The following CEP250 variants were observed in gnomAD, a reference collection of about 807,000 sequenced individuals.
The protein encoded by CEP250 is centrosomal protein 250.
A neutral mutation model predicts 315.7 loss-of-function variants in CEP250; 242 were observed. That is an observed-to-expected ratio of 0.77 (90% confidence interval 0.69 to 0.85). The LOEUF (loss-of-function observed/expected upper bound fraction) is 0.85, where lower values mean the gene tolerates loss of function less well. Among genes scored for constraint, CEP250 ranks in the 40% least tolerant of loss-of-function variants. The pLI, the probability that CEP250 is intolerant of heterozygous loss-of-function variation, is 0.00. For synonymous variants in CEP250, 1,088 were observed against 1,175.0 expected, an observed-to-expected ratio of 0.93 and a Z score of 1.51; for missense variants, 2,515 against 2,886.4, an observed-to-expected ratio of 0.87 and a Z score of 2.95.
chr20:35,498,614 C>T lies in CEP250; in HGVS notation c.3675C>T (p.Ser1225=), dbSNP rs371562704. 1.4e-5 allele frequency: 22 copies of T among 1,603,342 alleles called. No individual in the cohort carries two copies. In the South Asian group the frequency reaches 2.0e-4, roughly 15 times the overall value. ...GLEPDQNGAR[S]LFKRGPLLTA... ...TTTCAGACCAGAATGGAGCTAGGAG[C>T]CTCTTTAAGAGAGGGCCCCTGCTGA... Residue 1225 remains serine, a synonymous_variant, in exon 27 of 35, where the codon AGC becomes AGT. Coordinates refer to ENST00000397527, the MANE Select transcript of CEP250 (RefSeq NM_007186.6).
At chr20:35,501,779 T>G in intron 28 of CEP250, 66 bp from the exon 29 acceptor site, 1 of 1,506,868 alleles carries the variant, frequency 6.6e-7, no homozygotes, top group Non-Finnish European at 8.9e-7. Context: ...TGCCTCTATA[T>G]CCCTCTATAT....
intron 2 of CEP250, 68 bp downstream of exon 2, chr20:35,458,442 T>A (rs1444366125): frequency 6.6e-6 from 1 of 152,230 alleles, no homozygotes; most frequent in Non-Finnish European, 1.5e-5. Flanking sequence ...CATGAGTGTT[T>A]ATGGGATAAA....
At chr20:35,484,546 C>A (rs999871961) in intron 20 of CEP250, among the ~76,000 whole-genome samples, 22 of 151,952 alleles carry the variant, frequency 1.4e-4, no homozygotes, top group Non-Finnish European at 2.8e-4. Flanking sequence ...TTCTCCCTTC[C>A]TCCCCATGTC....
chr20:35,504,579 A>G lies in CEP250; in HGVS notation c.6210A>G (p.Gln2070=), dbSNP rs761295402. ...LLEKSLAQRV[Q]ENMIQEKQNL... is the part of the protein sequence containing the mutation. ...AGAAGTCTCTGGCCCAGAGGGTCCA[A>G]GAGAATATGATCCAAGAGAAGCAGA... is the stretch of plus-strand genomic sequence containing the variant. The change falls in exon 30 of 35, where the codon CAA becomes CAG. Residue 2070 remains glutamine, a synonymous_variant. Coordinates refer to ENST00000397527, the MANE Select transcript of CEP250 (RefSeq NM_007186.6). 7 of 1,614,210 alleles carry G rather than the reference A, an allele frequency of 4.3e-6. No individual in the cohort carries two copies. In the South Asian group the frequency reaches 4.4e-5, roughly 10 times the overall value.
rs375142433 is a variant in CEP250 at position 35,475,480 on chromosome 20, A to C, written c.1572-22A>C. On this transcript the variant is annotated intron_variant, in intron 14 of 34. Transcript: ENST00000397527. ...GGCCCATCCCTAAGAGTTCCTCTAG[A>C]CCCCTCTCTTTCCCATCTTAGTCAG... The C allele has an allele frequency of 3.7e-6, 6 of 1,613,026 alleles. No homozygotes were observed. The African/African-American group carries it at 6.7e-5, about 18-fold the overall frequency.
intron 20 of CEP250, among the ~76,000 whole-genome samples, chr20:35,488,277 A>G (rs2063576225): frequency 6.6e-6 from 1 of 152,094 alleles, no homozygotes; most frequent in South Asian, 2.1e-4. Context: ...TCATATTTTT[A>G]CAGTTGGCTT....
chr20:35,475,600 A>C lies in CEP250; in HGVS notation c.1670A>C (p.Glu557Ala), dbSNP rs1446547850. 1 of 1,614,034 alleles carries C rather than the reference A, an allele frequency of 6.2e-7. No individual in the cohort carries two copies. Among genetic ancestry groups the C allele is most frequent in the Admixed American group, 1.7e-5 (1 of 60,020 alleles). ...CTGGAGTCAAGTCACCTGGAAGGGG[A>C]GTTACTGAGGCAAGAGCAAACGGAA... ...EALESSHLEG[E>A]LLRQEQTEVT... Residue 557 changes from glutamate to alanine, a missense_variant, in exon 15 of 35, where the codon GAG becomes GCG. Physicochemically the swap from Glu to Ala is moderately radical, Grantham distance 107 (BLOSUM62 -1). Transcript: ENST00000397527.
At chr20:35,483,450 T>A (rs1001001527) in intron 20 of CEP250, among the ~76,000 whole-genome samples, 10 of 151,932 alleles carry the variant, frequency 6.6e-5, no homozygotes, top group Non-Finnish European at 1.0e-4. Context: ...ACTCCTGAGC[T>A]CAAGTGAGTC....
Position 35,497,836 on chromosome 20 carries a change from T to C in CEP250, c.3424T>C (p.Leu1142=), listed in dbSNP as rs746080538. 15 of 1,579,090 alleles carry C rather than the reference T, an allele frequency of 9.5e-6. No homozygotes were observed. The Admixed American group carries it at 1.1e-4, about 12-fold the overall frequency. ...CACGGAGCAGCAGCTGCGAGCCTCC[T>C]TGTGGGCCCAGGAAGCCAAGGCAGC... is the stretch of plus-strand genomic sequence containing the variant. ...HITEQQLRAS[L]WAQEAKAAQL... The change falls in exon 26 of 35, where the codon TTG becomes CTG. Residue 1142 remains leucine (L), a synonymous_variant. Coordinates refer to ENST00000397527, the MANE Select transcript of CEP250 (RefSeq NM_007186.6).
rs536483451 is a variant in CEP250, at chr20:35,484,142, T to A, written c.2586+3997T>A. 3.9e-5 allele frequency among the ~76,000 whole-genome samples: 6 copies of A among 152,314 alleles called. No individual in the cohort carries two copies. In the East Asian group the frequency reaches 1.2e-3, roughly 29 times the overall value. ...TTGTTTCCCTGTGTTTTTGTGATTCTTGTCTATGAGCATGTCTTTGGAAAT... is the reference window on the plus strand; with the variant it reads ...TTGTTTCCCTGTGTTTTTGTGATTCATGTCTATGAGCATGTCTTTGGAAAT... On this transcript the variant is annotated intron_variant, in intron 20 of 34. Coordinates refer to ENST00000397527, the MANE Select transcript of CEP250 (RefSeq NM_007186.6).
chr20:35,505,630 G>A (rs1420494082), intron 30 of CEP250, among the ~76,000 whole-genome samples: 2 of 134,096 alleles, frequency 1.5e-5, no homozygotes, highest in Non-Finnish European at 3.1e-5. Flanking sequence ...TCGAGCCTGG[G>A]CAAAGAAACG....
At chr20:35,507,534 C>T (rs1002314282) in intron 30 of CEP250, among the ~76,000 whole-genome samples, 2 of 150,776 alleles carry the variant, frequency 1.3e-5, no homozygotes, top group African/African-American at 2.4e-5. Context: ...GCTAGCTCAC[C>T]GCATATCCTT....
rs2063756008 is a variant in CEP250 at position 35,493,540 on chromosome 20, C to T, written c.3001C>T (p.Leu1001=). The T allele has an allele frequency of 6.3e-7, 1 of 1,593,248 alleles. No individual in the cohort carries two copies. The highest frequency in any genetic ancestry group is 8.5e-7 in the Non-Finnish European group (1 of 1,171,100). The stretch of plus-strand genomic sequence containing the variant: ...TGCCCTCCAAGAAGAGAGCAGCTCC[C>T]TGCTGCAGGATAAGATGGACCTGCA... The part of the protein sequence containing the change: ...LAALQEESSS[L]LQDKMDLQKQ... Residue 1001 remains leucine (L), a synonymous_variant, in exon 23 of 35, where the codon CTG becomes TTG. Coordinates refer to ENST00000397527, the MANE Select transcript of CEP250 (RefSeq NM_007186.6).
chr20:35,511,749 G>C lies in CEP250; in HGVS notation c.*123G>C. The C allele has an allele frequency of 7.0e-7, 1 of 1,437,110 alleles. No individual in the cohort carries two copies. Among genetic ancestry groups the C allele is most frequent in the Non-Finnish European group, 9.1e-7 (1 of 1,098,076 alleles). The allele number at this position is 1,437,110 out of a possible 1,614,324, so 89.0% of individuals were successfully genotyped here. A position where few individuals can be genotyped will look rare whatever the true frequency, so the allele number is the denominator to read the frequency against. Reference sequence around the variant, plus strand: ...AGGCACCCAGGAGCCCCAGGTCGGCGGGTGTTCCCAGGAAGAGGAAGTAAA... The same window carrying C: ...AGGCACCCAGGAGCCCCAGGTCGGCCGGTGTTCCCAGGAAGAGGAAGTAAA... On this transcript the variant is annotated 3_prime_UTR_variant, in exon 35 of 35. Coordinates refer to ENST00000397527, the MANE Select transcript of CEP250 (RefSeq NM_007186.6).
At position 35,507,659 on chromosome 20, in the gene CEP250, C is replaced by T. The variant is rs144455903; in HGVS notation, c.6637-79C>T. The T allele has an allele frequency of 1.4e-4, 155 of 1,075,722 alleles. 1 individual carries two copies. Among genetic ancestry groups the T allele is most frequent in the African/African-American group, 1.2e-3 (79 of 63,758 alleles). The allele number at this position is 1,075,722 out of a possible 1,614,324, so 66.6% of individuals were successfully genotyped here. The stretch of plus-strand genomic sequence containing the variant: ...CAAAAGCCTGAGGAGAACATTGAAC[C>T]GCTGTTTGTGTGGAGGATGGGTTGG... On this transcript the variant is annotated intron_variant, in intron 30 of 34. Transcript: ENST00000397527.
chr20:35,516,172 A>G lies in CEP250; in HGVS notation c.*4546A>G, dbSNP rs1011592396. The G allele has an allele frequency of 1.3e-5, 2 of 152,258 alleles. No homozygotes were observed. The highest frequency in any genetic ancestry group is 4.8e-5 in the African/African-American group (2 of 41,470). 9.4% of individuals were successfully genotyped at this position (152,258 alleles called of 1,614,324 possible). Reference sequence around the variant, plus strand: ...CTCTGCCAAGGCTGTGTGATGTGTCATCTGAGAGAGTGGGTAACCCCTATT... The same window carrying G: ...CTCTGCCAAGGCTGTGTGATGTGTCGTCTGAGAGAGTGGGTAACCCCTATT... On this transcript the variant is annotated 3_prime_UTR_variant, in exon 35 of 35. Transcript: ENST00000397527.
intron 30 of CEP250, among the ~76,000 whole-genome samples, chr20:35,507,076 C>G (rs559568526): frequency 6.6e-6 from 1 of 152,198 alleles, no homozygotes; most frequent in African/African-American, 2.4e-5. Context: ...GGAATGAGGT[C>G]TGAGTCATCT....
intron 28 of CEP250, 105 bp downstream of exon 28, chr20:35,500,274 T>C: frequency 7.1e-7 from 1 of 1,403,082 alleles, no homozygotes. Context: ...TATTTTATTT[T>C]ATTTTTGAGA....
Position 35,476,474 on chromosome 20 carries a change from C to T in CEP250, c.1742C>T (p.Ser581Leu), listed in dbSNP as rs773533323. Residue 581 changes from serine (S) to leucine (L), a missense_variant, in exon 16 of 35, where the codon TCG becomes TTG. Coordinates refer to ENST00000397527, the MANE Select transcript of CEP250 (RefSeq NM_007186.6). ...ARAEQSIAEL[S>L]SSENTLKTEV... ...GCAGAGCAGTCAATTGCAGAGCTGT[C>T]GAGTTCTGAAAACACCCTGAAGACA... The T allele has an allele frequency of 3.7e-6, 6 of 1,613,814 alleles. No individual in the cohort carries two copies. Among genetic ancestry groups the T allele is most frequent in the South Asian group, 2.2e-5 (2 of 91,070 alleles).
Sources: gnomAD v4.1 joint callset for allele counts (sites outside exome capture counted in the v4.1 genomes callset) on GRCh38, gnomAD v4.1.1 for gene constraint, MANE v1.5 for transcripts, NCBI Gene and HGNC (gene_info 2026-07-23, HGNC 2026-07-21) for gene names.